C1GALT1: variants seen among roughly 807,000 people sequenced by gnomAD.
C1GALT1 encodes the protein core 1 synthase, glycoprotein-N-acetylgalactosamine 3-beta-galactosyltransferase 1, also known as glycoprotein-N-acetylgalactosamine 3-beta-galactosyltransferase 1.
C1GALT1 carries 11 observed loss-of-function variants against 31.0 expected under a neutral mutation model. That is an observed-to-expected ratio of 0.36 (90% CI 0.22 to 0.59). The LOEUF is 0.59. Ranked by LOEUF, C1GALT1 falls within the 20% of genes least tolerant of loss-of-function variation. The probability of loss-of-function intolerance (pLI) is 0.79; values close to 1 mark genes in which losing one functional copy is unlikely to be tolerated. For synonymous variants in C1GALT1, 175 were observed against 143.6 expected (o/e 1.22, Z -1.56); for missense variants, 424 against 425.2 (o/e 1.00, Z 0.03).
At chr7:7,184,332 A>G (rs1044131024) in intron 1 of C1GALT1, among the ~76,000 whole-genome samples, 2 of 152,210 alleles carry the variant, frequency 1.3e-5, no homozygotes, top group African/African-American at 2.4e-5. Context: ...ATGCCTCTCA[A>G]ATTTGCCTGG....
intron 2 of C1GALT1, among the ~76,000 whole-genome samples, chr7:7,166,848 T>C (rs779682563): frequency 6.6e-6 from 1 of 152,346 alleles, no homozygotes; most frequent in Non-Finnish European, 1.5e-5. Context: ...GCAGTAGTTA[T>C]ACAAGGAGTC....
At chr7:7,237,874 A>G (rs1783437781) in intron 2 of C1GALT1, among the ~76,000 whole-genome samples, 2 of 152,194 alleles carry the variant, frequency 1.3e-5, no homozygotes, top group African/African-American at 4.8e-5. Context: ...TTAAGGCAGC[A>G]TTTAGCATGC....
chr7:7,191,987 C>G (rs753226771), intron 1 of C1GALT1, among the ~76,000 whole-genome samples: 1 of 151,998 alleles, frequency 6.6e-6, no homozygotes, highest in East Asian at 1.9e-4. Flanking sequence ...ATCTAATTTG[C>G]CAATATTTTC....
Position 7,239,000 on chromosome 7 carries a change from A to G in C1GALT1, c.888+78A>G, listed in dbSNP as rs1052886864. 1 of 1,168,890 alleles carries G rather than the reference A, an allele frequency of 8.6e-7. No homozygotes were observed. The highest frequency in any genetic ancestry group is 1.2e-6 in the Non-Finnish European group (1 of 831,480). 72.4% of individuals were successfully genotyped at this position (1,168,890 alleles called of 1,614,324 possible). A position where few individuals can be genotyped will look rare whatever the true frequency, so the allele number is the denominator to read the frequency against. The stretch of plus-strand genomic sequence containing the variant: ...TTGATAAAAACATGTTAATATGTGT[A>G]TGTTTCTTTAGTACCAACAACAAGG... On this transcript the variant is annotated intron_variant, in intron 3 of 3. Transcript: ENST00000436587. The surrounding 1 kb of genome is among the most constrained non-coding windows in gnomAD (Gnocchi z 5.2).
At chr7:7,184,373 G>GTTA (rs1780726691) in intron 1 of C1GALT1, among the ~76,000 whole-genome samples, 2 of 152,004 alleles carry the variant, frequency 1.3e-5, no homozygotes, top group Non-Finnish European at 2.9e-5. Flanking sequence ...TTCCTACTTA[G>GTTA]GATTAAGCAT....
intron 1 of C1GALT1, among the ~76,000 whole-genome samples, chr7:7,202,648 A>G (rs1781571760): frequency 1.3e-5 from 2 of 152,162 alleles, no homozygotes; most frequent in African/African-American, 2.4e-5. Flanking sequence ...TCTTGAAATC[A>G]GTAAGTATGA....
intron 2 of C1GALT1, among the ~76,000 whole-genome samples, chr7:7,165,799 C>T (rs1194472765): frequency 2.6e-5 from 4 of 152,020 alleles, no homozygotes; most frequent in South Asian, 4.1e-4. Flanking sequence ...CATGATGCTA[C>T]GAGTGGAAAA....
At chr7:7,184,097 A>G (rs949268514) in intron 1 of C1GALT1, among the ~76,000 whole-genome samples, 1 of 152,158 alleles carries the variant, frequency 6.6e-6, no homozygotes, top group Non-Finnish European at 1.5e-5. Context: ...GTTGAGCTTA[A>G]TGCCCATGAT....
chr7:7,174,851 G>C (rs1450605333), intron 2 of C1GALT1, among the ~76,000 whole-genome samples: 1 of 151,852 alleles, frequency 6.6e-6, no homozygotes, highest in East Asian at 1.9e-4. Flanking sequence ...CATTTTCCTG[G>C]CTTCCTTTAG....
chr7:7,200,661 A>G (rs917357783), intron 1 of C1GALT1, among the ~76,000 whole-genome samples: 1 of 152,018 alleles, frequency 6.6e-6, no homozygotes, highest in African/African-American at 2.4e-5. Flanking sequence ...GTCTTTTCAC[A>G]TGGTCCCATA....
chr7:7,184,644 A>G (rs770806041), intron 1 of C1GALT1, among the ~76,000 whole-genome samples: 7 of 152,248 alleles, frequency 4.6e-5, no homozygotes, highest in Non-Finnish European at 1.0e-4. Context: ...ATGGTAATTT[A>G]GAGTCTTTGT....
chr7:7,159,940 T>C (rs1284958220), intron 2 of C1GALT1, among the ~76,000 whole-genome samples: 1 of 152,180 alleles, frequency 6.6e-6, no homozygotes, highest in Non-Finnish European at 1.5e-5. Context: ...GAGCACAGCA[T>C]CTCTTTTCAT....
intron 3 of C1GALT1, among the ~76,000 whole-genome samples, chr7:7,241,632 T>G (rs182740511): frequency 3.9e-5 from 6 of 152,122 alleles, no homozygotes; most frequent in Admixed American, 3.3e-4. Flanking sequence ...TTGTTACTGT[T>G]CTACTTGGGC....
At position 7,204,062 on chromosome 7, in the gene C1GALT1, C is replaced by T. The variant is rs139730272; in HGVS notation, c.-18+21242C>T. 9.5e-4 allele frequency among the ~76,000 whole-genome samples: 142 copies of T among 148,886 alleles called. 1 individual carries two copies. The East Asian group carries it at 0.019, about 20-fold the overall frequency. On this transcript the variant is annotated intron_variant, in intron 1 of 3. Coordinates refer to ENST00000436587, the MANE Select transcript of C1GALT1 (RefSeq NM_020156.5). ...TTTGGTATCAGGGTAATGCTGGCCT[C>T]ACAGAATAAGTCAGGAAGTGTTCCC...
chr7:7,243,072 T>C (rs1783701349), intron 3 of C1GALT1, among the ~76,000 whole-genome samples: 2 of 152,072 alleles, frequency 1.3e-5, no homozygotes, highest in Admixed American at 6.5e-5. Context: ...GTGTATTGGG[T>C]TGTAGACACC....
intron 1 of C1GALT1, among the ~76,000 whole-genome samples, chr7:7,220,606 C>G (rs1323514473): frequency 1.3e-5 from 2 of 151,400 alleles, no homozygotes; most frequent in African/African-American, 2.4e-5. Context: ...CAACCAAGCT[C>G]CACCTCCTGG....
chr7:7,196,532 A>G (rs1435789236), intron 1 of C1GALT1, among the ~76,000 whole-genome samples: 1 of 152,206 alleles, frequency 6.6e-6, no homozygotes, highest in South Asian at 2.1e-4. Flanking sequence ...ATACATGTGC[A>G]TGTGTCTTTA....
In C1GALT1 at chr7:7,243,428, A is replaced by G. The variant is rs1783715481; in HGVS notation, c.889-96A>G. On this transcript the variant is annotated intron_variant, in intron 3 of 3. Coordinates refer to ENST00000436587, the MANE Select transcript of C1GALT1 (RefSeq NM_020156.5). ...TTACCTTGCCATCTTTAATGTTTGT[A>G]TTCTTTTAAAATTAGCTGGTCCTTT... is the stretch of plus-strand genomic sequence containing the variant. The G allele has an allele frequency of 9.8e-6, 10 of 1,018,234 alleles. No homozygotes were observed. The South Asian group carries it at 1.4e-4, about 14-fold the overall frequency. The allele number at this position is 1,018,234 out of a possible 1,614,324, so 63.1% of individuals were successfully genotyped here. A position where few individuals can be genotyped will look rare whatever the true frequency, so the allele number is the denominator to read the frequency against.
intron 2 of C1GALT1, among the ~76,000 whole-genome samples, chr7:7,175,459 T>TATGGG (rs1241255866): frequency 6.6e-6 from 1 of 152,226 alleles, no homozygotes; most frequent in East Asian, 1.9e-4. Context: ...TTCCCACGTA[T>TATGGG]ATATGGTTGC....
Sources: gnomAD v4.1 joint callset for allele counts (sites outside exome capture counted in the v4.1 genomes callset) on GRCh38, gnomAD v4.1.1 for gene constraint, Gnocchi (gnomAD v3.1) non-coding constraint, MANE v1.5 for transcripts, NCBI Gene and HGNC (gene_info 2026-07-23, HGNC 2026-07-21) for gene names.